The following CNTN1 variants were observed in gnomAD, a reference collection of about 807,000 sequenced individuals.
CNTN1 encodes contactin-1.
In CNTN1, 38 loss-of-function variants were observed where a neutral mutation model predicts 126.4. That is an observed-to-expected ratio of 0.30 (90% CI 0.23 to 0.39). CNTN1 has a LOEUF of 0.39. Ranked by LOEUF, CNTN1 falls within the 10% of genes least tolerant of loss-of-function variation. CNTN1 has a pLI of 1.00. For missense variants in CNTN1, 1,009 were observed against 1,248.4 expected (o/e 0.81, Z 2.89); for synonymous variants, 413 against 422.6 (o/e 0.98, Z 0.28).
intron 1 of CNTN1, among the ~76,000 whole-genome samples, chr12:40,868,937 G>A (rs1320779986): frequency 1.3e-5 from 2 of 151,766 alleles, no homozygotes; most frequent in Non-Finnish European, 2.9e-5. Flanking sequence ...CTTGAGTTAC[G>A]GACCTTGAAG....
At chr12:40,901,946 T>C (rs1256703917) in intron 1 of CNTN1, among the ~76,000 whole-genome samples, 1 of 152,192 alleles carries the variant, frequency 6.6e-6, no homozygotes, top group East Asian at 1.9e-4. Context: ...ATCTAAAACA[T>C]ACCATTAGTC....
At chr12:40,977,801 GTTTTGTTTT>G (rs1947720473) in intron 15 of CNTN1, among the ~76,000 whole-genome samples, 1 of 150,530 alleles carries the variant, frequency 6.6e-6, no homozygotes, top group Non-Finnish European at 1.5e-5. Context: ...GTTTTGTTTT[GTTTTGTTTT>G]GTTTTGTTTT....
At chr12:40,978,513 T>C (rs1947741155) in intron 15 of CNTN1, among the ~76,000 whole-genome samples, 1 of 152,156 alleles carries the variant, frequency 6.6e-6, no homozygotes, top group African/African-American at 2.4e-5. Context: ...CAGAACTGCC[T>C]GAACATTAAT....
At chr12:40,915,711 A>G (rs1292938204) in intron 3 of CNTN1, among the ~76,000 whole-genome samples, 1 of 152,122 alleles carries the variant, frequency 6.6e-6, no homozygotes. Context: ...TTTGATTTTA[A>G]GAAAATCCAA....
chr12:40,696,817 AAG>A (rs1230653243), intron 1 of CNTN1, among the ~76,000 whole-genome samples: 9 of 152,236 alleles, frequency 5.9e-5, no homozygotes, highest in Non-Finnish European at 8.8e-5. Flanking sequence ...ACTGGGAATA[AAG>A]AAAAATCCAC....
rs1396476464 is a variant in CNTN1 at position 40,944,120 on chromosome 12, T to C, written c.1633T>C (p.Tyr545His). 1 of 1,613,534 alleles carries C rather than the reference T, an allele frequency of 6.2e-7. No individual in the cohort carries two copies. The highest frequency in any genetic ancestry group is 1.1e-5 in the South Asian group (1 of 91,070). ...DLTFVWSFNG[Y>H]VIDFNKENIH... ...CACATTTGTTTGGTCCTTCAATGGC[T>C]ATGTGATCGATTTTAACAAAGAGAA... Residue 545 changes from tyrosine to histidine, a missense_variant, in exon 14 of 24, where the codon TAT becomes CAT. By Grantham distance (83) the Tyr-to-His change is moderately conservative (BLOSUM62 2). Coordinates refer to ENST00000551295, the MANE Select transcript of CNTN1 (RefSeq NM_001843.4).
intron 1 of CNTN1, among the ~76,000 whole-genome samples, chr12:40,852,477 A>G (rs765005969): frequency 2.0e-4 from 30 of 151,612 alleles, no homozygotes; most frequent in Non-Finnish European, 4.3e-4. Context: ...TTTCCTACAT[A>G]TCATTCATTT....
intron 14 of CNTN1, among the ~76,000 whole-genome samples, chr12:40,945,474 T>C (rs1453201923): frequency 6.6e-6 from 1 of 152,026 alleles, no homozygotes; most frequent in African/African-American, 2.4e-5. Context: ...AATTGAATAA[T>C]TTCAAAAGTA....
intron 23 of CNTN1, among the ~76,000 whole-genome samples, chr12:41,029,867 GT>G (rs1290120891): frequency 1.3e-5 from 2 of 150,918 alleles, no homozygotes; most frequent in African/African-American, 4.9e-5. Flanking sequence ...TCACACCTTT[GT>G]TTGATTTGGA....
intron 21 of CNTN1, among the ~76,000 whole-genome samples, chr12:41,026,045 A>G (rs1187289975): frequency 1.3e-5 from 2 of 152,200 alleles, no homozygotes; most frequent in African/African-American, 4.8e-5. Context: ...GAATGTAGTG[A>G]CAAGAACTAG....
intron 3 of CNTN1, among the ~76,000 whole-genome samples, chr12:40,916,184 A>T (rs1356897338): frequency 6.6e-6 from 1 of 152,142 alleles, no homozygotes; most frequent in East Asian, 1.9e-4. Flanking sequence ...TTTATCAAGG[A>T]TTATAGTGGG....
chr12:40,934,108 T>C (rs1945995140), intron 9 of CNTN1, among the ~76,000 whole-genome samples: 1 of 152,096 alleles, frequency 6.6e-6, no homozygotes, highest in African/African-American at 2.4e-5. Flanking sequence ...AATAGATTGA[T>C]AGAAGTGTTA....
At chr12:41,065,335 G>T (rs150016855) in intron 23 of CNTN1, among the ~76,000 whole-genome samples, 1 of 152,206 alleles carries the variant, frequency 6.6e-6, no homozygotes. Flanking sequence ...GATTACAGGC[G>T]TGAGCCACCG....
At chr12:40,965,751 T>G (rs1252959373) in intron 15 of CNTN1, among the ~76,000 whole-genome samples, 1 of 152,174 alleles carries the variant, frequency 6.6e-6, no homozygotes, top group Non-Finnish European at 1.5e-5. Context: ...GATTTTAAGC[T>G]TCTGTGGTAT....
At chr12:40,925,906 T>G (rs891829649) in intron 6 of CNTN1, among the ~76,000 whole-genome samples, 3 of 148,102 alleles carry the variant, frequency 2.0e-5, no homozygotes, top group Non-Finnish European at 4.5e-5. Flanking sequence ...ATTTTCATAG[T>G]GTTTCCCACA....
chr12:40,758,643 G>A (rs180922097), intron 1 of CNTN1, among the ~76,000 whole-genome samples: 102 of 152,168 alleles, frequency 6.7e-4, no homozygotes, highest in African/African-American at 2.4e-3. Context: ...AAAACTAGAT[G>A]AAAGAGTATA....
intron 1 of CNTN1, among the ~76,000 whole-genome samples, chr12:40,774,195 A>G (rs1175688837): frequency 6.6e-6 from 1 of 151,664 alleles, no homozygotes; most frequent in Non-Finnish European, 1.5e-5. Flanking sequence ...AGCTCAAAAC[A>G]AATTGAAGAC....
intron 1 of CNTN1, among the ~76,000 whole-genome samples, chr12:40,883,169 G>C (rs1943925712): frequency 6.6e-6 from 1 of 151,554 alleles, no homozygotes; most frequent in Admixed American, 6.6e-5. Flanking sequence ...TATGTTTTTA[G>C]ATTCCCAGGT....
At chr12:40,720,977 T>C (rs1363542745) in intron 1 of CNTN1, among the ~76,000 whole-genome samples, 3 of 142,770 alleles carry the variant, frequency 2.1e-5, no homozygotes, top group Non-Finnish European at 4.9e-5. Flanking sequence ...GTATATATGT[T>C]ATAACATATA....
Sources: allele counts gnomAD v4.1 joint callset (sites outside exome capture counted in the v4.1 genomes callset), GRCh38; gene constraint gnomAD v4.1.1; transcripts MANE v1.5; gene names NCBI Gene and HGNC (gene_info 2026-07-23, HGNC 2026-07-21).